Variants in ZNF345 observed in about 807,000 individuals in gnomAD.
ZNF345 encodes zinc finger protein HZF10.
For synonymous variants in ZNF345, 166 were observed against 187.9 expected (o/e 0.88, Z 0.95); for missense variants, 527 against 589.9 (o/e 0.89, Z 1.10).
rs184517357 is a variant in ZNF345 at position 36,865,562 on chromosome 19, G to T, written c.-46-11223G>T. On this transcript the variant is annotated intron_variant, in intron 2 of 2. Coordinates refer to ENST00000420450, the MANE Select transcript of ZNF345 (RefSeq NM_001242472.2). Reference sequence around the variant, plus strand: ...TGCAACCTCCACCTCCCAGGTTCACGTGATTCTCCTGCCTCAGTCTCCCGA... The same window carrying T: ...TGCAACCTCCACCTCCCAGGTTCACTTGATTCTCCTGCCTCAGTCTCCCGA... 2.0e-5 allele frequency among the ~76,000 whole-genome samples: 3 copies of T among 152,060 alleles called. No homozygotes were observed. In the East Asian group the frequency reaches 5.8e-4, roughly 29 times the overall value.
intron 2 of ZNF345, among the ~76,000 whole-genome samples, chr19:36,875,935 G>A (rs1325158233): frequency 6.6e-6 from 1 of 152,174 alleles, no homozygotes; most frequent in Admixed American, 6.5e-5. Context: ...TAGATTTGGT[G>A]TGATCAGAAT....
At chr19:36,863,293 A>G (rs1453544194) in intron 2 of ZNF345, among the ~76,000 whole-genome samples, 1 of 152,162 alleles carries the variant, frequency 6.6e-6, no homozygotes, top group Admixed American at 6.5e-5. Context: ...TCATTCCTAA[A>G]TACTGTCTTA....
intron 2 of ZNF345, chr19:36,872,547 C>T (rs900021473): frequency 3.3e-5 from 5 of 152,438 alleles, no homozygotes; most frequent in African/African-American, 1.2e-4. Context: ...TCTGCACATC[C>T]CAGCTCCTCT....
chr19:36,871,319 G>T (rs1025504802), intron 2 of ZNF345, among the ~76,000 whole-genome samples: 1 of 152,090 alleles, frequency 6.6e-6, no homozygotes, highest in African/African-American at 2.4e-5. Flanking sequence ...CATTTCATTT[G>T]GGGGTTGGGA....
At chr19:36,861,345 A>G (rs548683540) in intron 2 of ZNF345, among the ~76,000 whole-genome samples, 1 of 152,318 alleles carries the variant, frequency 6.6e-6, no homozygotes, top group Non-Finnish European at 1.5e-5. Context: ...ATGGGACTGC[A>G]GTGTTCATTC....
chr19:36,871,016 G>A (rs1355821101), intron 2 of ZNF345, among the ~76,000 whole-genome samples: 2 of 152,136 alleles, frequency 1.3e-5, no homozygotes, highest in Non-Finnish European at 1.5e-5. Context: ...CTGTAACAAA[G>A]TACCATAAAC....
At chr19:36,892,244 GT>G (rs777166475) in intron 3 of ZNF345, 1 of 1,614,026 alleles carries the variant, frequency 6.2e-7, no homozygotes, top group Non-Finnish European at 8.5e-7. Flanking sequence ...GATTCATAGT[GT>G]TTTTCACCAA....
rs1183617272 is a variant in ZNF345, at chr19:36,887,894, C to T, written c.47-4924C>T. ...TTTAAATTCTTGGATGACTCCAAAT[C>T]TGCAGAAATATTAATCTAGAAAAAA... On this transcript the variant is annotated intron_variant, in intron 3 of 3. Coordinates refer to the ZNF345 transcript ENST00000526123. 1.7e-4 allele frequency among the ~76,000 whole-genome samples: 26 copies of T among 152,112 alleles called. 1 individual carries two copies. Among genetic ancestry groups the T allele is most frequent in the Admixed American group, 1.6e-3 (24 of 15,264 alleles).
chr19:36,875,678 G>A (rs1396490431), intron 2 of ZNF345, among the ~76,000 whole-genome samples: 1 of 152,142 alleles, frequency 6.6e-6, no homozygotes, highest in Non-Finnish European at 1.5e-5. Flanking sequence ...ATTTTGATTT[G>A]GATTAGCCAG....
chr19:36,875,898 C>G (rs2072873000), intron 2 of ZNF345, among the ~76,000 whole-genome samples: 1 of 152,152 alleles, frequency 6.6e-6, no homozygotes, highest in Non-Finnish European at 1.5e-5. Context: ...ATAAGCACTG[C>G]ATAGTTACTT....
At chr19:36,854,924 G>T (rs2072373894) in intron 2 of ZNF345, among the ~76,000 whole-genome samples, 1 of 150,684 alleles carries the variant, frequency 6.6e-6, no homozygotes, top group East Asian at 1.9e-4. Context: ...TGCAATCTCG[G>T]GTCACTGTAA....
At chr19:36,886,752 C>T (rs1481308019) in intron 3 of ZNF345, among the ~76,000 whole-genome samples, 1 of 151,746 alleles carries the variant, frequency 6.6e-6, no homozygotes, top group African/African-American at 2.4e-5. Flanking sequence ...CTTTGGGAGG[C>T]CGAGGCGGGC....
intron 2 of ZNF345, among the ~76,000 whole-genome samples, chr19:36,860,251 C>T (rs2072519687): frequency 6.6e-6 from 1 of 152,186 alleles, no homozygotes; most frequent in Admixed American, 6.5e-5. Context: ...GCCACCGCGT[C>T]CAGCTAAGTT....
At chr19:36,863,313 A>G (rs76220657) in intron 2 of ZNF345, among the ~76,000 whole-genome samples, 2,970 of 152,256 alleles carry the variant, frequency 0.02, 44 homozygotes, top group African/African-American at 0.044. Context: ...AACAGACAAC[A>G]TTTCTGGTGG....
intron 2 of ZNF345, among the ~76,000 whole-genome samples, chr19:36,869,197 C>A (rs972521270): frequency 2.0e-4 from 31 of 152,048 alleles, no homozygotes; most frequent in African/African-American, 6.5e-4. Flanking sequence ...CCCCCTCCCC[C>A]CTTCATTTAG....
rs747488768 is a variant in ZNF345, at chr19:36,877,444, T to G, written c.614T>G (p.Ile205Arg). The change falls in exon 3 of 3, where the codon ATA (isoleucine) becomes AGA (arginine). Residue 205 changes from isoleucine (I) to arginine (R), a missense_variant. Coordinates refer to ENST00000420450, the MANE Select transcript of ZNF345 (RefSeq NM_001242472.2). ...ACAGGTGAGAAACCTTATGAATGTA[T>G]AGATTGTGGTAAAGCCTTTGGCAGT... ...IHTGEKPYECIDCGKAFGSGS... is the reference protein window; with the variant it reads ...IHTGEKPYECRDCGKAFGSGS... 1 of 1,612,596 alleles carries G rather than the reference T, an allele frequency of 6.2e-7. No individual in the cohort carries two copies. The highest frequency in any genetic ancestry group is 1.1e-5 in the South Asian group (1 of 90,986).
Position 36,852,699 on chromosome 19 carries a change from T to C in ZNF345, c.-47+795T>C, listed in dbSNP as rs79865220. Among the ~76,000 whole-genome samples the C allele has an allele frequency of 5.3e-3, 806 of 152,234 alleles. 21 individuals are homozygous for C. Among genetic ancestry groups the C allele is most frequent in the Admixed American group, 0.038 (577 of 15,284 alleles). ...CTGTTCTCTAAAGATACTGTACTTATGCCAGCAGTTTACAAGAGTTTTCTT... is the reference window on the plus strand; with the variant it reads ...CTGTTCTCTAAAGATACTGTACTTACGCCAGCAGTTTACAAGAGTTTTCTT... On this transcript the variant is annotated intron_variant, in intron 2 of 2. Coordinates refer to ENST00000420450, the MANE Select transcript of ZNF345 (RefSeq NM_001242472.2).
chr19:36,855,447 C>CTT (rs34265794), intron 2 of ZNF345, among the ~76,000 whole-genome samples: 1,857 of 58,492 alleles, frequency 0.032, 102 homozygotes, highest in East Asian at 0.044. Context: ...CGAGCCTGGC[C>CTT]TTTTTTTTTT....
intron 3 of ZNF345, chr19:36,889,021 C>G (rs1041156356): frequency 3.9e-5 from 6 of 152,194 alleles, no homozygotes; most frequent in African/African-American, 1.4e-4. Flanking sequence ...ATCTGCCCGC[C>G]TTGGCCTTGC....
Sources: gnomAD v4.1 joint callset for allele counts (sites outside exome capture counted in the v4.1 genomes callset) on GRCh38, gnomAD v4.1.1 for gene constraint, MANE v1.5 for transcripts, NCBI Gene and HGNC (gene_info 2026-07-23, HGNC 2026-07-21) for gene names.